The following TLCD4 variants were observed in gnomAD, a reference collection of about 807,000 sequenced individuals.
TLCD4 encodes the protein TLC domain-containing protein 4.
Under a neutral mutation model 24.2 loss-of-function variants are expected in TLCD4, and 7 were observed. The ratio of observed to expected loss-of-function variants is 0.29; its 90% CI spans 0.16 to 0.54. The LOEUF (loss-of-function observed/expected upper bound fraction) is 0.54, where lower values mean the gene tolerates loss of function less well. TLCD4 is among the 20% of genes least tolerant of loss of function. The pLI, the probability that TLCD4 is intolerant of heterozygous loss-of-function variation, is 0.95. For missense variants in TLCD4, 259 were observed against 313.9 expected (o/e 0.82, Z 1.32); for synonymous variants, 103 against 106.4 (o/e 0.97, Z 0.20).
chr1:95,143,359 T>C (rs1677257490), intron 1 of TLCD4, among the ~76,000 whole-genome samples: 1 of 152,200 alleles, frequency 6.6e-6, no homozygotes, highest in Non-Finnish European at 1.5e-5. Context: ...CTTAAGATTT[T>C]AATTTTGTTT....
the TLCD4 span, among the ~76,000 whole-genome samples, chr1:95,111,323 A>AAAAGAAAAG: frequency 1.3e-4 from 17 of 128,280 alleles, no homozygotes; most frequent in Admixed American, 7.8e-4. Flanking sequence ...CAAAACAAAA[A>AAAAGAAAAG]AAAAGAAAAG....
chr1:95,115,518 C>T (rs1676413133), upstream of TLCD4, among the ~76,000 whole-genome samples: 1 of 152,202 alleles, frequency 6.6e-6, no homozygotes, highest in African/African-American at 2.4e-5. Flanking sequence ...TAGCTTAAAA[C>T]TTGCAACATT....
At chr1:95,156,028 G>C (rs1288785733) in intron 5 of TLCD4, among the ~76,000 whole-genome samples, 1 of 150,902 alleles carries the variant, frequency 6.6e-6, no homozygotes, top group African/African-American at 2.4e-5. Flanking sequence ...TATAGATGTT[G>C]GTAAAAAAAA....
rs536387270 is a variant in TLCD4 at position 95,196,369 on chromosome 1, A to G, written c.*4501A>G. ...TTTTAGAGTCCTGCTCTTTAGGGAA[A>G]ACTTTGCTATGGTAATGTTTCTTTG... On this transcript the variant is annotated 3_prime_UTR_variant, in exon 7 of 7. Coordinates refer to ENST00000370203, the MANE Select transcript of TLCD4 (RefSeq NM_152487.3). 6.6e-6 allele frequency: 1 copy of G among 152,280 alleles called. No homozygotes were observed. The highest frequency in any genetic ancestry group is 6.5e-5 in the Admixed American group (1 of 15,292). 9.4% of individuals were successfully genotyped at this position (152,280 alleles called of 1,614,324 possible).
At chr1:95,132,301 A>T (rs966529076) in intron 1 of TLCD4, among the ~76,000 whole-genome samples, 7 of 151,710 alleles carry the variant, frequency 4.6e-5, no homozygotes, top group African/African-American at 1.7e-4. Context: ...CTAAAAATAC[A>T]AAAAAATTAG....
At chr1:95,186,129 G>T (rs1678822666) in intron 6 of TLCD4, among the ~76,000 whole-genome samples, 1 of 152,210 alleles carries the variant, frequency 6.6e-6, no homozygotes, top group South Asian at 2.1e-4. Flanking sequence ...TGAATTTACA[G>T]TATGGGGGAG....
intron 5 of TLCD4, among the ~76,000 whole-genome samples, chr1:95,157,266 C>T (rs1677658799): frequency 2.0e-5 from 3 of 151,926 alleles, no homozygotes; most frequent in Non-Finnish European, 2.9e-5. Context: ...TATATACATA[C>T]GGGTTTATGC....
chr1:95,142,308 T>A (rs1338203467), intron 1 of TLCD4, among the ~76,000 whole-genome samples: 1 of 151,016 alleles, frequency 6.6e-6, no homozygotes, highest in Non-Finnish European at 1.5e-5. Context: ...TTTTTTTTTT[T>A]TTTTAATAAG....
At chr1:95,150,076 T>C in intron 3 of TLCD4, 132 bp from the exon 4 acceptor site, 1 of 1,273,752 alleles carries the variant, frequency 7.9e-7, no homozygotes, top group Non-Finnish European at 1.1e-6. Flanking sequence ...TGCAATTTTA[T>C]TTGAAGATGA....
At position 95,141,952 on chromosome 1, in the gene TLCD4, G is replaced by A. The variant is rs145851208; in HGVS notation, c.-11-1939G>A. 5.9e-3 allele frequency among the ~76,000 whole-genome samples: 891 copies of A among 152,268 alleles called. 12 individuals are homozygous for A. The highest frequency in any genetic ancestry group is 0.02 in the African/African-American group (835 of 41,540). On this transcript the variant is annotated intron_variant, in intron 1 of 6. Coordinates refer to ENST00000370203, the MANE Select transcript of TLCD4 (RefSeq NM_152487.3). Reference sequence around the variant, plus strand: ...GGAATGAAGTGGGGTTATTGCTAGTGCAGTCAATGACTTGGCTTTTCTCTG... The same window carrying A: ...GGAATGAAGTGGGGTTATTGCTAGTACAGTCAATGACTTGGCTTTTCTCTG...
At chr1:95,095,643 C>T in the TLCD4 span, among the ~76,000 whole-genome samples, 120 of 152,208 alleles carry the variant, frequency 7.9e-4, 1 homozygote, top group Non-Finnish European at 1.4e-3. Flanking sequence ...GTGATCCACC[C>T]GCCTCAGCCT....
chr1:95,101,410 AGTGTGTGT>A, the TLCD4 span, among the ~76,000 whole-genome samples: 3,402 of 142,678 alleles, frequency 0.024, 118 homozygotes, highest in African/African-American at 0.07. Flanking sequence ...GACTAATTAA[AGTGTGTGT>A]GTGTGTGTGT....
chr1:95,113,324 G>C (rs1320010153), upstream of TLCD4, among the ~76,000 whole-genome samples: 2 of 152,154 alleles, frequency 1.3e-5, no homozygotes, highest in Non-Finnish European at 2.9e-5. Context: ...GGGATTACAG[G>C]CATGAACCAC....
intron 5 of TLCD4, among the ~76,000 whole-genome samples, chr1:95,153,610 G>A (rs1026332891): frequency 6.6e-6 from 1 of 152,086 alleles, no homozygotes; most frequent in Non-Finnish European, 1.5e-5. Context: ...TCTATTAGAG[G>A]AGGCCTGGTA....
the TLCD4 span, among the ~76,000 whole-genome samples, chr1:95,110,511 C>T: frequency 6.6e-6 from 1 of 152,028 alleles, no homozygotes; most frequent in Non-Finnish European, 1.5e-5. Context: ...AGAGCACTTA[C>T]AAAATATGTA....
intron 2 of TLCD4, 103 bp downstream of exon 2, chr1:95,144,159 C>G: frequency 8.3e-7 from 1 of 1,201,922 alleles, no homozygotes; most frequent in Non-Finnish European, 1.0e-6. Flanking sequence ...TAATGTAAGG[C>G]CAAATTTTTA....
intron 5 of TLCD4, among the ~76,000 whole-genome samples, chr1:95,157,656 A>C (rs1677671307): frequency 6.6e-6 from 1 of 152,176 alleles, no homozygotes; most frequent in Non-Finnish European, 1.5e-5. Flanking sequence ...GAATTATCTA[A>C]AGGCTCATTG....
chr1:95,168,510 C>A (rs1414902), intron 5 of TLCD4, among the ~76,000 whole-genome samples: 4 of 141,314 alleles, frequency 2.8e-5, no homozygotes, highest in African/African-American at 5.2e-5. Flanking sequence ...AGATTAAAAT[C>A]TGGATGGCTT....
At chr1:95,116,642 G>C (rs947280051), upstream of TLCD4, among the ~76,000 whole-genome samples, 2 of 152,154 alleles carry the variant, frequency 1.3e-5, no homozygotes, top group African/African-American at 4.8e-5. Flanking sequence ...TCACTTGGAG[G>C]CTTTTGGGGC....
Sources: gnomAD v4.1 joint callset for allele counts (sites outside exome capture counted in the v4.1 genomes callset) on GRCh38, gnomAD v4.1.1 for gene constraint, MANE v1.5 for transcripts, NCBI Gene and HGNC (gene_info 2026-07-23, HGNC 2026-07-21) for gene names.